SLC9A1: variants seen among roughly 807,000 people sequenced by gnomAD.
SLC9A1 encodes sodium/hydrogen exchanger 1.
SLC9A1 carries 22 observed loss-of-function variants against 67.9 expected under a neutral mutation model. The observed-to-expected ratio is 0.32, with a 90% CI of 0.23 to 0.46. SLC9A1 has a LOEUF of 0.46. Among genes scored for constraint, SLC9A1 ranks in the 20% least tolerant of loss-of-function variants. The pLI is 1.00. For synonymous variants in SLC9A1, 421 were observed against 471.8 expected, an observed-to-expected ratio of 0.89 and a Z score of 1.40; for missense variants, 686 against 1,094.8, an observed-to-expected ratio of 0.63 and a Z score of 5.27.
rs2083142029 is a variant in SLC9A1 at position 27,101,299 on chromosome 1, G to A, written c.2038-24C>T. On this transcript the variant is annotated intron_variant, in intron 10 of 11. Transcript: ENST00000263980. This position sits in a 1 kb window ranked among gnomAD's most constrained non-coding sequence, Gnocchi z 4.9. Reference sequence around the variant, plus strand: ...ATCTGACAGAGAGGACAGACGGGGTGAGCACAGGCAGCTGGGCAGAGGGAG... The same window carrying A: ...ATCTGACAGAGAGGACAGACGGGGTAAGCACAGGCAGCTGGGCAGAGGGAG... 4 of 1,599,940 alleles carry A rather than the reference G, an allele frequency of 2.5e-6. No individual in the cohort carries two copies. In the African/African-American group the frequency reaches 4.0e-5, roughly 16 times the overall value.
chr1:27,147,054 C>T lies in SLC9A1; in HGVS notation c.352+6929G>A, dbSNP rs189200814. ...TGGGAGGCTGAGGCGGGCAGATCAC[C>T]TGAGGTCAGGAGTTCGAGACCAGCC... On this transcript the variant is annotated intron_variant, in intron 1 of 11. Transcript: ENST00000263980. 4.5e-3 allele frequency among the ~76,000 whole-genome samples: 680 copies of T among 151,806 alleles called. 4 individuals are homozygous for T. Among genetic ancestry groups the T allele is most frequent in the African/African-American group, 0.016 (645 of 41,424 alleles).
Position 27,102,410 on chromosome 1 carries a change from AG to A in SLC9A1, c.1794del (p.Ser599LeufsTer37). Reference protein sequence around the residue: ...LVESGGMGKIPSAVSTVSMQN... With the variant: ...LVESGGMGKIXSAVSTVSMQN... ...TGCATGGAGACGGTGGAGACGGCAG[AG>A]GGGATCTTGCCCATGCCCCCGCTCT... On this transcript the variant is annotated frameshift_variant, in exon 8 of 12. Coordinates refer to ENST00000263980, the MANE Select transcript of SLC9A1 (RefSeq NM_003047.5). LOFTEE classifies it high-confidence loss of function. The A allele has an allele frequency of 6.2e-7, 1 of 1,600,992 alleles. No individual in the cohort carries two copies. Among genetic ancestry groups the A allele is most frequent in the Non-Finnish European group, 8.5e-7 (1 of 1,170,318 alleles).
In SLC9A1 at chr1:27,118,720, G is replaced by T. The variant is rs553146462; in HGVS notation, c.353-4434C>A. Among the ~76,000 whole-genome samples the T allele has an allele frequency of 6.6e-6, 1 of 152,282 alleles. No homozygotes were observed. Among genetic ancestry groups the T allele is most frequent in the African/African-American group, 2.4e-5 (1 of 41,554 alleles). Reference sequence around the variant, plus strand: ...GTTAGAGTAAGAACCAGAGTCGTAAGAGCTGGAATGGATCTTGGAGAGCAT... The same window carrying T: ...GTTAGAGTAAGAACCAGAGTCGTAATAGCTGGAATGGATCTTGGAGAGCAT... On this transcript the variant is annotated intron_variant, in intron 1 of 11. Coordinates refer to ENST00000263980, the MANE Select transcript of SLC9A1 (RefSeq NM_003047.5). The surrounding 1 kb of genome is among the most constrained non-coding windows in gnomAD (Gnocchi z 4.3).
intron 1 of SLC9A1, among the ~76,000 whole-genome samples, chr1:27,124,731 T>C (rs527608755): frequency 6.6e-6 from 1 of 152,232 alleles, no homozygotes; most frequent in South Asian, 2.1e-4. Context: ...TCACAGCATC[T>C]GAGGGCAGTG....
intron 2 of SLC9A1, 112 bp downstream of exon 2, chr1:27,113,714 G>A (rs1368009341): frequency 1.2e-6 from 1 of 827,660 alleles, no homozygotes; most frequent in East Asian, 2.5e-5. Context: ...AAGCGGGAAT[G>A]TGCCTCAGCT....
intron 1 of SLC9A1, among the ~76,000 whole-genome samples, chr1:27,131,947 A>AAAAAAAAATATATAT: frequency 1.4e-3 from 73 of 52,086 alleles, no homozygotes; most frequent in African/African-American, 4.3e-3. Flanking sequence ...AGAAAAAAAA[A>AAAAAAAAATATATAT]ATATATATAT....
chr1:27,100,524 A>G lies in SLC9A1; in HGVS notation c.2231T>C (p.Leu744Ser), dbSNP rs2083134479. 18 of 1,613,964 alleles carry G rather than the reference A, an allele frequency of 1.1e-5. No homozygotes were observed. The highest frequency in any genetic ancestry group is 1.4e-5 in the Non-Finnish European group (17 of 1,179,968). The change falls in exon 12 of 12, where the codon TTG becomes TCG. Residue 744 changes from leucine (L) to serine (S), a missense_variant. This residue lies in a region of SLC9A1 where 226 missense variants were observed against 282.4 expected (regional missense o/e 0.80). Coordinates refer to ENST00000263980, the MANE Select transcript of SLC9A1 (RefSeq NM_003047.5). This position sits in a 1 kb window ranked among gnomAD's most constrained non-coding sequence, Gnocchi z 5.6. ...AGCCACCTTTGCAGGATCCCGGCTC[A>G]ACCCTAAGACTTTGCCCTTCAGCTC... ...NEELKGKVLGLSRDPAKVAEE... is the reference protein window; with the variant it reads ...NEELKGKVLGSSRDPAKVAEE...
At chr1:27,132,501 T>C (rs909806296) in intron 1 of SLC9A1, among the ~76,000 whole-genome samples, 2 of 152,142 alleles carry the variant, frequency 1.3e-5, no homozygotes, top group African/African-American at 4.8e-5. Context: ...CTGGGTAAGT[T>C]AGTTACTCTC....
intron 1 of SLC9A1, among the ~76,000 whole-genome samples, chr1:27,134,052 C>G (rs183714450): frequency 5.9e-5 from 9 of 152,076 alleles, no homozygotes; most frequent in Admixed American, 1.3e-4. Context: ...CATGAGCTAC[C>G]GCGCCCGGCC....
chr1:27,108,300 T>C (rs561987969), intron 3 of SLC9A1, among the ~76,000 whole-genome samples: 1 of 150,252 alleles, frequency 6.7e-6, no homozygotes, highest in Non-Finnish European at 1.5e-5. Context: ...ACTCCTGACC[T>C]TGTAATCCAC....
In SLC9A1 at chr1:27,147,299, C is replaced by CAAA. The variant is rs57583944; in HGVS notation, c.352+6681_352+6683dup. Among the ~76,000 whole-genome samples the CAAA allele has an allele frequency of 2.7e-3, 118 of 43,668 alleles. 4 individuals carry two copies. The highest frequency in any genetic ancestry group is 6.8e-3 in the African/African-American group (67 of 9,872). The allele number at this position is 43,668 out of a possible 152,430, so 28.6% of individuals were successfully genotyped here. ...TGTGCAAAAGAGCGAGACTCTGTCT[C>CAAA]AAAAAAAAAAAAAAAAAAAAAAGAA... On this transcript the variant is annotated intron_variant, in intron 1 of 11. Coordinates refer to ENST00000263980, the MANE Select transcript of SLC9A1 (RefSeq NM_003047.5).
Position 27,109,348 on chromosome 1 carries a change from T to G in SLC9A1, c.1064+179A>C, listed in dbSNP as rs1379402641. Among the ~76,000 whole-genome samples the G allele has an allele frequency of 6.6e-6, 1 of 152,110 alleles. No individual in the cohort carries two copies. The highest frequency in any genetic ancestry group is 1.5e-5 in the Non-Finnish European group (1 of 68,018). ...AAGTGCTCCTCTTCTAGGAAGCCAC[T>G]GATGCCCTTGGCCATTTAAATGGCT... On this transcript the variant is annotated intron_variant, in intron 3 of 11. Coordinates refer to ENST00000263980, the MANE Select transcript of SLC9A1 (RefSeq NM_003047.5). The surrounding 1 kb of genome is among the most constrained non-coding windows in gnomAD (Gnocchi z 5.5).
Position 27,101,103 on chromosome 1 carries a change from C to G in SLC9A1, c.2110+100G>C, listed in dbSNP as rs937727023. ...GATCCTGAGGTCAGCGAGGGCCAGG[C>G]CTGTCCTCCCAGTGGCTGAGGACTG... On this transcript the variant is annotated intron_variant, in intron 11 of 11. Transcript: ENST00000263980. This position sits in a 1 kb window ranked among gnomAD's most constrained non-coding sequence, Gnocchi z 4.9. 5.6e-6 allele frequency: 5 copies of G among 894,134 alleles called. No homozygotes were observed. In the South Asian group the frequency reaches 7.5e-5, roughly 13 times the overall value. The allele number at this position is 894,134 out of a possible 1,614,324, so 55.4% of individuals were successfully genotyped here. A position where few individuals can be genotyped will look rare whatever the true frequency, so the allele number is the denominator to read the frequency against.
At chr1:27,133,643 C>T (rs1195145774) in intron 1 of SLC9A1, among the ~76,000 whole-genome samples, 1 of 152,082 alleles carries the variant, frequency 6.6e-6, no homozygotes, top group Non-Finnish European at 1.5e-5. Context: ...ATTGGGTCAG[C>T]ATCTCCCGCC....
rs2083121962 is a variant in SLC9A1 at position 27,099,342 on chromosome 1, T to G, written c.*965A>C. ...CTGTGAGGCTGGAGAGACTCTTGAT[T>G]AGGAGTGGGAGTTACTTCTGATGTC... On this transcript the variant is annotated 3_prime_UTR_variant, in exon 12 of 12. Transcript: ENST00000263980. The G allele has an allele frequency of 6.5e-6, 1 of 152,674 alleles. No homozygotes were observed. Among genetic ancestry groups the G allele is most frequent in the Non-Finnish European group, 1.5e-5 (1 of 68,170 alleles). The allele number at this position is 152,674 out of a possible 1,614,324, so 9.5% of individuals were successfully genotyped here.
intron 1 of SLC9A1, among the ~76,000 whole-genome samples, chr1:27,121,534 C>T (rs968114937): frequency 2.0e-5 from 3 of 152,186 alleles, no homozygotes; most frequent in African/African-American, 7.2e-5. Flanking sequence ...GGGGCCTGGG[C>T]GGCCCCTGGA....
chr1:27,130,713 A>G (rs889375914), intron 1 of SLC9A1, among the ~76,000 whole-genome samples: 2 of 152,228 alleles, frequency 1.3e-5, no homozygotes, highest in Non-Finnish European at 2.9e-5. Context: ...ATTTTCCAGT[A>G]GAGAAATTGA....
chr1:27,129,627 T>C (rs935688725), intron 1 of SLC9A1, among the ~76,000 whole-genome samples: 1 of 152,100 alleles, frequency 6.6e-6, no homozygotes, highest in African/African-American at 2.4e-5. Context: ...CCCTCTATTT[T>C]ACAGATGCAA....
rs1020639402 is a variant in SLC9A1 at position 27,114,428 on chromosome 1, T to C, written c.353-142A>G. On this transcript the variant is annotated intron_variant, in intron 1 of 11. Coordinates refer to ENST00000263980, the MANE Select transcript of SLC9A1 (RefSeq NM_003047.5). The surrounding 1 kb of genome is among the most constrained non-coding windows in gnomAD (Gnocchi z 5.4). ...TCAGAGGGCTGCTCTGTTAACTCTC[T>C]GAGCCTCCGCTTCCTCGCCTGTAAA... 2 of 640,630 alleles carry C rather than the reference T, an allele frequency of 3.1e-6. No homozygotes were observed. The highest frequency in any genetic ancestry group is 1.8e-5 in the African/African-American group (1 of 54,440). 39.7% of individuals were successfully genotyped at this position (640,630 alleles called of 1,614,324 possible).
Sources: allele counts gnomAD v4.1 joint callset (sites outside exome capture counted in the v4.1 genomes callset), GRCh38; gene constraint gnomAD v4.1.1; regional missense constraint gnomAD v4.1.1; non-coding constraint Gnocchi (gnomAD v3.1); transcripts MANE v1.5; gene names NCBI Gene and HGNC (gene_info 2026-07-23, HGNC 2026-07-21).